Variants in CHST8 observed in about 807,000 individuals in gnomAD.
The protein encoded by CHST8 is carbohydrate sulfotransferase 8, also known as GALNAC-4-ST1.
Under a neutral mutation model 15.0 loss-of-function variants are expected in CHST8, and 10 were observed. That is an observed-to-expected ratio of 0.67 (90% CI 0.41 to 1.13). CHST8 has a LOEUF of 1.13. Ranked by LOEUF, CHST8 falls within the 50% of genes most tolerant of loss-of-function variation. The pLI, the probability that CHST8 is intolerant of heterozygous loss-of-function variation, is 0.00. For synonymous variants in CHST8, 259 were observed against 256.6 expected, an observed-to-expected ratio of 1.01 and a Z score of -0.09; for missense variants, 634 against 608.2, an observed-to-expected ratio of 1.04 and a Z score of -0.45.
At chr19:33,676,796 G>T (rs1972815725) in intron 2 of CHST8, among the ~76,000 whole-genome samples, 1 of 151,792 alleles carries the variant, frequency 6.6e-6, no homozygotes. Context: ...AGGACCACTT[G>T]AGCCCAGGAG....
At chr19:33,657,080 T>C (rs1351931920) in intron 1 of CHST8, among the ~76,000 whole-genome samples, 2 of 151,786 alleles carry the variant, frequency 1.3e-5, no homozygotes, top group African/African-American at 2.4e-5. Context: ...TCCATTTTGA[T>C]GGTGGATTTG....
At position 33,772,177 on chromosome 19, in the gene CHST8, C is replaced by G. The variant is rs753923654; in HGVS notation, c.389C>G (p.Ser130Trp). 1 of 1,597,914 alleles carries G rather than the reference C, an allele frequency of 6.3e-7. No individual in the cohort carries two copies. The highest frequency in any genetic ancestry group is 1.1e-5 in the South Asian group (1 of 89,864). Residue 130 changes from serine to tryptophan, a missense_variant, in exon 5 of 5, where the codon TCG becomes TGG. Transcript: ENST00000650847. ...GCGGCGACCATCCCGGCCAACAGCTCGGACGCGCCCTTCATCCGGCCGGGA... is the reference window on the plus strand; with the variant it reads ...GCGGCGACCATCCCGGCCAACAGCTGGGACGCGCCCTTCATCCGGCCGGGA... ...PAAATIPANS[S>W]DAPFIRPGPG...
chr19:33,772,728 T>C lies in CHST8; in HGVS notation c.940T>C (p.Tyr314His). The change falls in exon 5 of 5, where the codon TAC (tyrosine) becomes CAC (histidine). Residue 314 changes from tyrosine to histidine, a missense_variant. Coordinates refer to ENST00000650847, the MANE Select transcript of CHST8 (RefSeq NM_001127895.2). Reference protein sequence around the residue: ...SGVRFPEFVQYLLDVHRPVGM... With the variant: ...SGVRFPEFVQHLLDVHRPVGM... ...GGTGCGTTTTCCCGAGTTCGTCCAG[T>C]ACCTGCTGGACGTGCACCGGCCCGT... 1 of 1,613,366 alleles carries C rather than the reference T, an allele frequency of 6.2e-7. No individual in the cohort carries two copies. Among genetic ancestry groups the C allele is most frequent in the Admixed American group, 1.7e-5 (1 of 60,020 alleles).
intron 3 of CHST8, among the ~76,000 whole-genome samples, chr19:33,701,965 T>A (rs979862141): frequency 2.6e-5 from 4 of 152,164 alleles, no homozygotes; most frequent in African/African-American, 9.7e-5. Flanking sequence ...TTAGTTAATG[T>A]CATGGTCTAT....
rs1428794268 is a variant in CHST8 at position 33,772,193 on chromosome 19, C to T, written c.405C>T (p.Ile135=). 2 of 1,594,560 alleles carry T rather than the reference C, an allele frequency of 1.3e-6. No individual in the cohort carries two copies. Among genetic ancestry groups the T allele is most frequent in the Non-Finnish European group, 1.7e-6 (2 of 1,173,430 alleles). The change falls in exon 5 of 5, where the codon ATC becomes ATT. Residue 135 remains isoleucine (I), a synonymous_variant. Transcript: ENST00000650847. ...IPANSSDAPF[I]RPGPGTLDGR... The stretch of plus-strand genomic sequence containing the variant: ...CCAACAGCTCGGACGCGCCCTTCAT[C>T]CGGCCGGGACCCGGGACGCTGGATG...
chr19:33,669,393 G>A (rs979434386), intron 2 of CHST8, among the ~76,000 whole-genome samples: 9 of 152,198 alleles, frequency 5.9e-5, no homozygotes, highest in Non-Finnish European at 1.2e-4. Flanking sequence ...ATGGCGACGT[G>A]CACCTTCCTG....
chr19:33,636,357 C>T (rs1972201055), intron 1 of CHST8, among the ~76,000 whole-genome samples: 1 of 152,264 alleles, frequency 6.6e-6, no homozygotes, highest in South Asian at 2.1e-4. Context: ...CAAAAACCAC[C>T]TAAATCGCCC....
In CHST8 at chr19:33,772,561, GCGAGCCCTT is replaced by G; in HGVS notation, c.778_786del (p.Pro260_Glu262del). 1 of 1,614,090 alleles carries G rather than the reference GCGAGCCCTT, an allele frequency of 6.2e-7. No homozygotes were observed. Among genetic ancestry groups the G allele is most frequent in the Admixed American group, 1.7e-5 (1 of 60,032 alleles). On this transcript the variant is annotated inframe_deletion, in exon 5 of 5. Coordinates refer to ENST00000650847, the MANE Select transcript of CHST8 (RefSeq NM_001127895.2). ...ACCTACACCAAGATGCTCTTTGTCC[GCGAGCCCTT>G]CGAGAGGCTGGTGTCCGCCTTCCGC... is the stretch of plus-strand genomic sequence containing the variant.
chr19:33,757,530 A>C (rs866825981), intron 3 of CHST8, among the ~76,000 whole-genome samples: 1 of 29,486 alleles, frequency 3.4e-5, no homozygotes, highest in Non-Finnish European at 7.2e-5. Flanking sequence ...AAGAGAAAGA[A>C]AGAAAGAAAG....
At chr19:33,679,961 G>A (rs917005136) in intron 2 of CHST8, among the ~76,000 whole-genome samples, 16 of 152,290 alleles carry the variant, frequency 1.1e-4, no homozygotes, top group African/African-American at 3.8e-4. Flanking sequence ...GGAGGTGTAA[G>A]GGTCCAGCCC....
chr19:33,693,284 G>T (rs1438732350), intron 3 of CHST8, among the ~76,000 whole-genome samples: 1 of 152,080 alleles, frequency 6.6e-6, no homozygotes, highest in Admixed American at 6.6e-5. Flanking sequence ...GGGATTACAG[G>T]TGAGAGCCAC....
chr19:33,700,584 G>C (rs1568333928), intron 3 of CHST8, among the ~76,000 whole-genome samples: 2 of 152,224 alleles, frequency 1.3e-5, no homozygotes, highest in Non-Finnish European at 1.5e-5. Flanking sequence ...TCCGCTCAGG[G>C]CTGTGGGTGG....
At chr19:33,709,624 ATT>A (rs780089115) in intron 3 of CHST8, among the ~76,000 whole-genome samples, 1 of 142,922 alleles carries the variant, frequency 7.0e-6, no homozygotes. Context: ...TTTGTTGTGG[ATT>A]TTTTTTTTTT....
intron 3 of CHST8, among the ~76,000 whole-genome samples, chr19:33,698,462 G>A (rs940373159): frequency 2.0e-5 from 3 of 152,010 alleles, no homozygotes; most frequent in African/African-American, 7.2e-5. Flanking sequence ...GTGGCCGTGG[G>A]CAGAGAGCAG....
chr19:33,741,872 G>A (rs1974200312), intron 3 of CHST8, among the ~76,000 whole-genome samples: 1 of 152,146 alleles, frequency 6.6e-6, no homozygotes. Context: ...GGTTTTGCCA[G>A]CTGTCACATC....
intron 3 of CHST8, among the ~76,000 whole-genome samples, chr19:33,701,135 C>T (rs1973326654): frequency 6.6e-6 from 1 of 152,142 alleles, no homozygotes; most frequent in Admixed American, 6.5e-5. Flanking sequence ...GGGGAGCCCA[C>T]TGTGGACCCT....
intron 1 of CHST8, among the ~76,000 whole-genome samples, chr19:33,651,614 G>A (rs1443351241): frequency 6.6e-6 from 1 of 152,060 alleles, no homozygotes; most frequent in Non-Finnish European, 1.5e-5. Context: ...TAGCCAATAG[G>A]TTTTATCATT....
At chr19:33,746,334 G>A (rs557327959) in intron 3 of CHST8, among the ~76,000 whole-genome samples, 83 of 151,874 alleles carry the variant, frequency 5.5e-4, no homozygotes, top group Non-Finnish European at 9.6e-4. Context: ...ACATTCCCTC[G>A]TGTTCCTGCT....
At chr19:33,719,156 T>C (rs1973729226) in intron 3 of CHST8, among the ~76,000 whole-genome samples, 1 of 152,034 alleles carries the variant, frequency 6.6e-6, no homozygotes, top group African/African-American at 2.4e-5. Flanking sequence ...AAATAAAACG[T>C]GTTTTCTAAA....
Sources: gnomAD v4.1 joint callset for allele counts (sites outside exome capture counted in the v4.1 genomes callset) on GRCh38, gnomAD v4.1.1 for gene constraint, MANE v1.5 for transcripts, NCBI Gene and HGNC (gene_info 2026-07-23, HGNC 2026-07-21) for gene names.